The following SSH2 variants were observed in gnomAD, a reference collection of about 807,000 sequenced individuals.
The protein encoded by SSH2 is slingshot protein phosphatase 2.
Under a neutral mutation model 135.2 loss-of-function variants are expected in SSH2, and 37 were observed. The observed-to-expected ratio is 0.27, with a 90% CI of 0.21 to 0.36. The LOEUF (loss-of-function observed/expected upper bound fraction) is 0.36. Ranked by LOEUF, SSH2 falls within the 10% of genes least tolerant of loss-of-function variation. SSH2 has a pLI of 1.00. For missense variants in SSH2, 1,408 were observed against 1,765.3 expected (o/e 0.80, Z 3.63); for synonymous variants, 628 against 646.2 (o/e 0.97, Z 0.43).
intron 3 of SSH2, among the ~76,000 whole-genome samples, chr17:29,762,787 CTTTTA>C (rs2041353709): frequency 6.6e-6 from 1 of 152,122 alleles, no homozygotes; most frequent in Non-Finnish European, 1.5e-5. Context: ...AGTTAGCTTC[CTTTTA>C]TTTTACCTTT....
intron 2 of SSH2, among the ~76,000 whole-genome samples, chr17:29,819,257 T>G (rs1217804009): frequency 6.6e-6 from 1 of 152,040 alleles, no homozygotes; most frequent in Non-Finnish European, 1.5e-5. Context: ...TAGAAAAGCA[T>G]TCCCCAAGCA....
intron 5 of SSH2, among the ~76,000 whole-genome samples, chr17:29,686,318 C>T (rs2038218576): frequency 6.6e-6 from 1 of 151,766 alleles, no homozygotes; most frequent in African/African-American, 2.4e-5. Flanking sequence ...GTTATATAGT[C>T]TAGGCTACTC....
chr17:29,821,880 G>C (rs1000085825), intron 2 of SSH2, among the ~76,000 whole-genome samples: 2 of 152,092 alleles, frequency 1.3e-5, no homozygotes, highest in African/African-American at 2.4e-5. Flanking sequence ...TCTTGCTCTC[G>C]TAGTCTGCCC....
chr17:29,904,765 C>T (rs142511262), intron 1 of SSH2, among the ~76,000 whole-genome samples: 1 of 152,178 alleles, frequency 6.6e-6, no homozygotes, highest in East Asian at 1.9e-4. Flanking sequence ...TTGTCTCAGC[C>T]CCAAAGCATC....
chr17:29,807,632 A>G (rs2042368854), intron 2 of SSH2, among the ~76,000 whole-genome samples: 1 of 152,182 alleles, frequency 6.6e-6, no homozygotes, highest in African/African-American at 2.4e-5. Flanking sequence ...AGAGATGAAG[A>G]AAAGGGAAGA....
chr17:29,890,321 G>T (rs958473472), intron 1 of SSH2, among the ~76,000 whole-genome samples: 1 of 152,096 alleles, frequency 6.6e-6, no homozygotes, highest in Admixed American at 6.6e-5. Context: ...ATGCCCAAGA[G>T]AAATGAAAAC....
At chr17:29,762,276 A>G (rs1352970289) in intron 3 of SSH2, among the ~76,000 whole-genome samples, 1 of 152,200 alleles carries the variant, frequency 6.6e-6, no homozygotes, top group Non-Finnish European at 1.5e-5. Context: ...AAGTAAATCT[A>G]TAGAGGGCTT....
intron 1 of SSH2, among the ~76,000 whole-genome samples, chr17:29,869,002 A>G (rs1039140894): frequency 5.9e-5 from 9 of 152,226 alleles, no homozygotes; most frequent in Non-Finnish European, 1.0e-4. Context: ...AAGTGTTTCA[A>G]AAGATTCTAG....
Position 29,913,665 on chromosome 17 carries a change from A to G in SSH2, c.63+16273T>C, listed in dbSNP as rs988862163. On this transcript the variant is annotated intron_variant, in intron 1 of 15. Coordinates refer to ENST00000540801, the MANE Select transcript of SSH2 (RefSeq NM_001282129.2). ...TCTTTTTTTTTTGAGACGGAGTTTC[A>G]TTCCTATTGCCCAGGCTGGAGTACA... is the stretch of plus-strand genomic sequence containing the variant. Among the ~76,000 whole-genome samples, 3 of 150,052 alleles carry G rather than the reference A, an allele frequency of 2.0e-5. No homozygotes were observed. In the East Asian group the frequency reaches 5.9e-4, roughly 29 times the overall value.
chr17:29,729,428 T>C (rs1226664199), intron 3 of SSH2, among the ~76,000 whole-genome samples: 1 of 152,328 alleles, frequency 6.6e-6, no homozygotes, highest in East Asian at 1.9e-4. Context: ...GGAACCCTCA[T>C]ATGCTGTTGG....
chr17:29,651,868 C>T (rs923112624), intron 12 of SSH2, among the ~76,000 whole-genome samples: 16 of 152,068 alleles, frequency 1.1e-4, no homozygotes, highest in African/African-American at 3.6e-4. Flanking sequence ...CTTGGCCAGG[C>T]GCAGTGGCTC....
chr17:29,908,398 C>T (rs910563416), intron 1 of SSH2, among the ~76,000 whole-genome samples: 12 of 152,176 alleles, frequency 7.9e-5, no homozygotes, highest in African/African-American at 2.4e-4. Flanking sequence ...ATCAAGGCTG[C>T]GGTATACAGT....
rs369565882 is a variant in SSH2 at position 29,735,122 on chromosome 17, T to A, written c.189-32060A>T. 2.8e-4 allele frequency among the ~76,000 whole-genome samples: 43 copies of A among 152,294 alleles called. 1 individual carries two copies. The highest frequency in any genetic ancestry group is 9.9e-4 in the African/African-American group (41 of 41,568). On this transcript the variant is annotated intron_variant, in intron 3 of 15. Transcript: ENST00000540801. Reference sequence around the variant, plus strand: ...AGAAAAAATTAATGTTCTACTCATATATAGGCCCACATTTGCATATTATTT... The same window carrying A: ...AGAAAAAATTAATGTTCTACTCATAAATAGGCCCACATTTGCATATTATTT...
chr17:29,880,386 C>G (rs1206888028), intron 1 of SSH2, among the ~76,000 whole-genome samples: 2 of 152,228 alleles, frequency 1.3e-5, no homozygotes, highest in African/African-American at 4.8e-5. Context: ...AGCAATCCAA[C>G]TGCCTTGGCC....
intron 3 of SSH2, among the ~76,000 whole-genome samples, chr17:29,769,532 T>TTA (rs2041521252): frequency 6.6e-6 from 1 of 152,342 alleles, no homozygotes; most frequent in South Asian, 2.1e-4. Context: ...TCCAAAGCAC[T>TTA]TATATCTAAA....
chr17:29,658,073 G>A (rs1478732850), intron 11 of SSH2, among the ~76,000 whole-genome samples: 1 of 149,768 alleles, frequency 6.7e-6, no homozygotes, highest in African/African-American at 2.5e-5. Context: ...GCACAATCTC[G>A]GCTCACCGCA....
intron 5 of SSH2, among the ~76,000 whole-genome samples, chr17:29,690,921 CACACACACACACAG>C (rs1181949209): frequency 1.3e-5 from 2 of 151,488 alleles, no homozygotes; most frequent in Admixed American, 6.6e-5. Flanking sequence ...ACTCTTTACA[CACACACACACACAG>C]ACACACACAC....
chr17:29,714,112 G>T (rs1255419649), intron 3 of SSH2, among the ~76,000 whole-genome samples: 1 of 151,996 alleles, frequency 6.6e-6, no homozygotes, highest in Non-Finnish European at 1.5e-5. Context: ...TTTTCAAAAT[G>T]GAAAAATTTA....
chr17:29,756,299 C>A (rs2041119587), intron 3 of SSH2, among the ~76,000 whole-genome samples: 2 of 151,324 alleles, frequency 1.3e-5, no homozygotes, highest in South Asian at 4.2e-4. Context: ...GATAGATAGT[C>A]TCCCTCTATT....
Sources: allele counts gnomAD v4.1 joint callset (sites outside exome capture counted in the v4.1 genomes callset), GRCh38; gene constraint gnomAD v4.1.1; transcripts MANE v1.5; gene names NCBI Gene and HGNC (gene_info 2026-07-23, HGNC 2026-07-21).